ARHGEF17: variants seen among roughly 807,000 people sequenced by gnomAD.
The protein encoded by ARHGEF17 is 164 kDa Rho-specific guanine-nucleotide exchange factor.
Under a neutral mutation model 174.0 loss-of-function variants are expected in ARHGEF17, and 80 were observed. The observed-to-expected ratio is 0.46, with a 90% CI of 0.38 to 0.55. The LOEUF is 0.55. ARHGEF17 is among the 20% of genes least tolerant of loss of function. The pLI is 0.00. For missense variants in ARHGEF17, 2,886 were observed against 2,839.7 expected, an observed-to-expected ratio of 1.02 and a Z score of -0.37; for synonymous variants, 1,311 against 1,189.1, an observed-to-expected ratio of 1.10 and a Z score of -2.11.
intron 12 of ARHGEF17, among the ~76,000 whole-genome samples, 188 bp from the exon 13 acceptor site, chr11:73,361,852 C>CA (rs367973557): frequency 0.035 from 4,189 of 119,604 alleles, 66 homozygotes; most frequent in South Asian, 0.042. Flanking sequence ...AGAACCAATC[C>CA]AAAAAAAAAA....
intron 9 of ARHGEF17, 99 bp downstream of exon 9, chr11:73,357,426 C>A: frequency 8.6e-7 from 1 of 1,156,490 alleles, no homozygotes; most frequent in Non-Finnish European, 1.2e-6. Flanking sequence ...TGTCCAGCTG[C>A]TTTTCCACTT....
At chr11:73,328,192 C>T (rs1164511810) in intron 1 of ARHGEF17, among the ~76,000 whole-genome samples, 7 of 152,248 alleles carry the variant, frequency 4.6e-5, no homozygotes, top group Middle Eastern at 3.4e-3. Flanking sequence ...AGGTAATCCT[C>T]TTTGGTAGGG....
intron 1 of ARHGEF17, among the ~76,000 whole-genome samples, chr11:73,321,499 A>AT (rs1865017043): frequency 6.6e-6 from 1 of 152,210 alleles, no homozygotes; most frequent in East Asian, 1.9e-4. Context: ...GCCGGGTGAT[A>AT]TTAACAAGTC....
chr11:73,330,819 A>G (rs1232988340), intron 1 of ARHGEF17, among the ~76,000 whole-genome samples: 7 of 152,308 alleles, frequency 4.6e-5, no homozygotes, highest in East Asian at 3.9e-4. Context: ...GGCTTGGCCC[A>G]AGAAGATGGA....
intron 11 of ARHGEF17, 68 bp downstream of exon 11, chr11:73,360,601 A>G: frequency 6.4e-7 from 1 of 1,563,454 alleles, no homozygotes; most frequent in Non-Finnish European, 8.8e-7. Context: ...GGCATCTCAC[A>G]GCTGTCTGTG....
In ARHGEF17 at chr11:73,310,684, C is replaced by T. The variant is rs367623424; in HGVS notation, c.2046C>T (p.Gly682=). 12 of 1,613,862 alleles carry T rather than the reference C, an allele frequency of 7.4e-6. No individual in the cohort carries two copies. The African/African-American group carries it at 1.3e-4, about 18-fold the overall frequency. ...CCTCGGCCCAGACGAACCACCATGG[C>T]CCTGGGACTGAGGACAGTCTGGGCG... ...SSSSAQTNHH[G]PGTEDSLGGW... The change falls in exon 1 of 21, where the codon GGC becomes GGT. Residue 682 remains glycine (G), a synonymous_variant. Transcript: ENST00000263674.
At chr11:73,335,229 C>T (rs1233464531) in intron 1 of ARHGEF17, among the ~76,000 whole-genome samples, 2 of 152,198 alleles carry the variant, frequency 1.3e-5, no homozygotes, top group Non-Finnish European at 2.9e-5. Flanking sequence ...TCCTTCTCGA[C>T]TGCCAAGGGC....
At chr11:73,329,112 C>T (rs1865149885) in intron 1 of ARHGEF17, among the ~76,000 whole-genome samples, 1 of 150,974 alleles carries the variant, frequency 6.6e-6, no homozygotes, top group Non-Finnish European at 1.5e-5. Flanking sequence ...GATAAAAAGT[C>T]TCCTTCCCAC....
At chr11:73,360,275 C>CTGGTGAGA (rs745980228) in intron 10 of ARHGEF17, 45 bp from the exon 11 acceptor site, 1 of 1,605,826 alleles carries the variant, frequency 6.2e-7, no homozygotes, top group East Asian at 2.2e-5. Flanking sequence ...GGTGCAGGCT[C>CTGGTGAGA]TGGTGAGATG....
At position 73,367,658 on chromosome 11, in the gene ARHGEF17, A is replaced by G. The variant is rs1490280003; in HGVS notation, c.6070A>G (p.Met2024Val). ...HRGPAPARPK[M>V]LVISGGDGYE... The stretch of plus-strand genomic sequence containing the variant: ...AGGCCCCGCCCCTGCCAGGCCTAAA[A>G]TGCTGGTTATCAGTGGAGGTGATGG... The change falls in exon 21 of 21, where the codon ATG (methionine) becomes GTG (valine). Residue 2024 changes from methionine to valine, a missense_variant. Coordinates refer to ENST00000263674, the MANE Select transcript of ARHGEF17 (RefSeq NM_014786.4). 2.5e-6 allele frequency: 4 copies of G among 1,614,020 alleles called. No homozygotes were observed. Among genetic ancestry groups the G allele is most frequent in the Admixed American group, 3.3e-5 (2 of 60,020 alleles).
At chr11:73,364,830 C>T in intron 18 of ARHGEF17, 2 of 531,220 alleles carry the variant, frequency 3.8e-6, no homozygotes, top group East Asian at 3.4e-5. Context: ...CTTATTCATC[C>T]TCCTGCCCAC....
chr11:73,310,969 G>T lies in ARHGEF17; in HGVS notation c.2331G>T (p.Glu777Asp). The T allele has an allele frequency of 6.2e-7, 1 of 1,614,190 alleles. No individual in the cohort carries two copies. The highest frequency in any genetic ancestry group is 8.5e-7 in the Non-Finnish European group (1 of 1,180,016). Residue 777 changes from glutamate to aspartate, a missense_variant, in exon 1 of 21, where the codon GAG (glutamate) becomes GAT (aspartate). By Grantham distance (45) the Glu-to-Asp change is conservative. Around this residue, in one of 4 missense-constraint regions of ARHGEF17, gnomAD observed 1,728 missense variants for 1,461.2 expected, o/e 1.18. Coordinates refer to ENST00000263674, the MANE Select transcript of ARHGEF17 (RefSeq NM_014786.4). ...TCCCTGCCACCTCAGCCATGGATGA[G>T]GGCTTGACCAGTGGTCACAGTGACT... ...TGLPATSAMD[E>D]GLTSGHSDWS...
intron 1 of ARHGEF17, among the ~76,000 whole-genome samples, chr11:73,333,991 T>C (rs1402999828): frequency 6.6e-6 from 1 of 152,254 alleles, no homozygotes; most frequent in Non-Finnish European, 1.5e-5. Flanking sequence ...TCATTCATCC[T>C]CAAATTCACA....
intron 12 of ARHGEF17, among the ~76,000 whole-genome samples, chr11:73,361,388 T>C (rs1166129691): frequency 6.6e-6 from 1 of 152,208 alleles, no homozygotes; most frequent in African/African-American, 2.4e-5. Context: ...GAACAAAGGT[T>C]ATATGAATGA....
intron 1 of ARHGEF17, among the ~76,000 whole-genome samples, chr11:73,337,299 C>T (rs1283770354): frequency 2.6e-5 from 4 of 151,086 alleles, no homozygotes; most frequent in East Asian, 3.9e-4. Flanking sequence ...CCCCACCACT[C>T]AGGATGCTGA....
At chr11:73,317,361 G>T (rs1864944995) in intron 1 of ARHGEF17, among the ~76,000 whole-genome samples, 1 of 152,160 alleles carries the variant, frequency 6.6e-6, no homozygotes, top group African/African-American at 2.4e-5. Context: ...CATTGCCATG[G>T]CTCCAATAGT....
rs115017399 is a variant in ARHGEF17, at chr11:73,328,300, G to A, written c.3192+16470G>A. Among the ~76,000 whole-genome samples, 1,072 of 152,326 alleles carry A rather than the reference G, an allele frequency of 7.0e-3. 10 individuals carry two copies. The highest frequency in any genetic ancestry group is 0.025 in the African/African-American group (1,039 of 41,566). On this transcript the variant is annotated intron_variant, in intron 1 of 20. Transcript: ENST00000263674. The stretch of plus-strand genomic sequence containing the variant: ...ATGCAGGAGGGATGGGACTCTGCAG[G>A]CTGGGGGCTCTGCCGGAGTTTTGCT...
chr11:73,318,334 G>A (rs1197331921), intron 1 of ARHGEF17, among the ~76,000 whole-genome samples: 4 of 152,132 alleles, frequency 2.6e-5, no homozygotes, highest in Non-Finnish European at 1.5e-5. Context: ...TGCAGCTGAC[G>A]GGACAGTAAA....
chr11:73,330,559 C>T (rs750879968), intron 1 of ARHGEF17, among the ~76,000 whole-genome samples: 5 of 152,026 alleles, frequency 3.3e-5, no homozygotes, highest in South Asian at 2.1e-4. Context: ...CTGAGGGGAT[C>T]GAGGCTGTGG....
Sources: allele counts gnomAD v4.1 joint callset (sites outside exome capture counted in the v4.1 genomes callset), GRCh38; gene constraint gnomAD v4.1.1; regional missense constraint gnomAD v4.1.1; transcripts MANE v1.5; gene names NCBI Gene and HGNC (gene_info 2026-07-23, HGNC 2026-07-21).